The following TRPC4 variants were observed in gnomAD, a reference collection of about 807,000 sequenced individuals.
TRPC4 encodes the protein transient receptor potential cation channel subfamily C member 4.
In TRPC4, 49 loss-of-function variants were observed where a neutral mutation model predicts 99.4. That is an observed-to-expected ratio of 0.49 (90% CI 0.39 to 0.63). The LOEUF (loss-of-function observed/expected upper bound fraction) is 0.63, where lower values mean the gene tolerates loss of function less well. Ranked by LOEUF, TRPC4 falls within the 20% of genes least tolerant of loss-of-function variation. The pLI, the probability that TRPC4 is intolerant of heterozygous loss-of-function variation, is 0.00. For synonymous variants in TRPC4, 454 were observed against 425.9 expected, an observed-to-expected ratio of 1.07 and a Z score of -0.81; for missense variants, 898 against 1,152.9, an observed-to-expected ratio of 0.78 and a Z score of 3.20.
intron 5 of TRPC4, among the ~76,000 whole-genome samples, chr13:37,664,296 T>C (rs1006135392): frequency 2.0e-5 from 3 of 152,096 alleles, no homozygotes; most frequent in Admixed American, 6.6e-5. Flanking sequence ...GGTCAAGGCC[T>C]GGCGCGGTGG....
intron 1 of TRPC4, among the ~76,000 whole-genome samples, chr13:37,859,247 A>G (rs1959204003): frequency 6.6e-6 from 1 of 151,422 alleles, no homozygotes; most frequent in South Asian, 2.1e-4. Context: ...ACAGTTTACT[A>G]GAACATGACA....
intron 3 of TRPC4, among the ~76,000 whole-genome samples, chr13:37,734,132 G>A (rs376874522): frequency 6.6e-6 from 1 of 152,138 alleles, no homozygotes; most frequent in African/African-American, 2.4e-5. Flanking sequence ...TCTGCACAGA[G>A]TATTTCTTCC....
In TRPC4 at chr13:37,846,246, A is replaced by G. The variant is rs576021273; in HGVS notation, c.-28+23349T>C. ...AAAATAACATTTTAAAATTAAAAAT[A>G]AATCCCAATGGTAGAAGTAATATGT... On this transcript the variant is annotated intron_variant, in intron 1 of 10. Coordinates refer to ENST00000379705, the MANE Select transcript of TRPC4 (RefSeq NM_016179.4). Among the ~76,000 whole-genome samples, 5 of 152,284 alleles carry G rather than the reference A, an allele frequency of 3.3e-5. No individual in the cohort carries two copies. In the South Asian group the frequency reaches 1.0e-3, roughly 32 times the overall value.
intron 2 of TRPC4, among the ~76,000 whole-genome samples, chr13:37,755,014 T>C (rs192713113): frequency 6.6e-6 from 1 of 152,164 alleles, no homozygotes; most frequent in East Asian, 1.9e-4. Context: ...TTAAAAGTAA[T>C]GGCAAAAACC....
chr13:37,667,682 T>C (rs1328799501), intron 5 of TRPC4, among the ~76,000 whole-genome samples: 2 of 152,196 alleles, frequency 1.3e-5, no homozygotes. Context: ...CACAACATTG[T>C]CCTTGAGATG....
chr13:37,865,272 A>G (rs1297693952), intron 1 of TRPC4, among the ~76,000 whole-genome samples: 1 of 151,706 alleles, frequency 6.6e-6, no homozygotes, highest in African/African-American at 2.4e-5. Context: ...CATAACATTG[A>G]TAAGATGTAG....
At chr13:37,750,693 G>T (rs913325140) in intron 2 of TRPC4, among the ~76,000 whole-genome samples, 1 of 152,048 alleles carries the variant, frequency 6.6e-6, no homozygotes, top group African/African-American at 2.4e-5. Flanking sequence ...TACATGTGCA[G>T]AATGTGCAGG....
chr13:37,661,055 T>C (rs1298006822), intron 6 of TRPC4, among the ~76,000 whole-genome samples: 1 of 152,190 alleles, frequency 6.6e-6, no homozygotes, highest in Non-Finnish European at 1.5e-5. Flanking sequence ...TTATATTATT[T>C]AGAAAAAATA....
intron 1 of TRPC4, among the ~76,000 whole-genome samples, chr13:37,842,851 A>G (rs1048863468): frequency 6.6e-6 from 1 of 152,224 alleles, no homozygotes; most frequent in African/African-American, 2.4e-5. Context: ...AAGGATGAGA[A>G]ATGGAACGAA....
At chr13:37,714,731 C>T (rs1230162083) in intron 3 of TRPC4, among the ~76,000 whole-genome samples, 1 of 145,192 alleles carries the variant, frequency 6.9e-6, no homozygotes, top group Non-Finnish European at 1.5e-5. Context: ...TATTTGTAAT[C>T]CCTCACCGCT....
At chr13:37,866,986 G>T (rs1272912395) in intron 1 of TRPC4, among the ~76,000 whole-genome samples, 1 of 151,380 alleles carries the variant, frequency 6.6e-6, no homozygotes, top group Non-Finnish European at 1.5e-5. Context: ...AATAACACTG[G>T]TTCCAATTGA....
intron 8 of TRPC4, among the ~76,000 whole-genome samples, chr13:37,641,988 C>T (rs963399700): frequency 1.3e-5 from 2 of 152,044 alleles, no homozygotes. Context: ...ATTATGATTA[C>T]CTCTGAGAAA....
intron 1 of TRPC4, among the ~76,000 whole-genome samples, chr13:37,837,407 C>T (rs1958595824): frequency 6.6e-6 from 1 of 152,230 alleles, no homozygotes; most frequent in Non-Finnish European, 1.5e-5. Flanking sequence ...GGAAGCTGTG[C>T]CCTGCAAAGG....
intron 4 of TRPC4, among the ~76,000 whole-genome samples, chr13:37,676,810 A>G (rs989351390): frequency 3.3e-5 from 5 of 152,174 alleles, no homozygotes; most frequent in African/African-American, 1.2e-4. Flanking sequence ...TTCCTGTCAG[A>G]TCTACACTAA....
chr13:37,798,319 TCCAGCTG>T (rs1253836540), intron 1 of TRPC4, among the ~76,000 whole-genome samples: 1 of 152,170 alleles, frequency 6.6e-6, no homozygotes, highest in Non-Finnish European at 1.5e-5. Flanking sequence ...TTCTTGATGA[TCCAGCTG>T]CCTTCTTAAA....
At chr13:37,714,085 CTTTCT>C (rs1301982170) in intron 3 of TRPC4, among the ~76,000 whole-genome samples, 1 of 151,278 alleles carries the variant, frequency 6.6e-6, no homozygotes, top group Non-Finnish European at 1.5e-5. Context: ...CCCTTTCTCC[CTTTCT>C]TTTCTTTTCT....
chr13:37,757,983 T>C (rs575367198), intron 2 of TRPC4, among the ~76,000 whole-genome samples: 7 of 152,090 alleles, frequency 4.6e-5, no homozygotes, highest in African/African-American at 1.7e-4. Context: ...AGGTACAACA[T>C]AGATCTTCCT....
Position 37,726,199 on chromosome 13 carries a change from C to A in TRPC4, c.897+19738G>T, listed in dbSNP as rs867070029. On this transcript the variant is annotated intron_variant, in intron 3 of 10. Transcript: ENST00000379705. ...CGACAGAGTGAGACACCGTCCCCCC[C>A]CAAAAAAAAAAGTTAGTATTATTAT... 7.5e-3 allele frequency among the ~76,000 whole-genome samples: 1,112 copies of A among 148,396 alleles called. 20 individuals are homozygous for A. The highest frequency in any genetic ancestry group is 0.017 in the Admixed American group (255 of 14,898).
At position 37,665,878 on chromosome 13, in the gene TRPC4, G is replaced by C. The variant is rs564188920; in HGVS notation, c.1375-2149C>G. Reference sequence around the variant, plus strand: ...AAAAAAAAAAATACATAAGAGGAAGGTTTTCCATTTTTACAGATTCTGCCC... The same window carrying C: ...AAAAAAAAAAATACATAAGAGGAAGCTTTTCCATTTTTACAGATTCTGCCC... On this transcript the variant is annotated intron_variant, in intron 5 of 10. Transcript: ENST00000379705. Among the ~76,000 whole-genome samples, 299 of 150,226 alleles carry C rather than the reference G, an allele frequency of 2.0e-3. 4 individuals carry two copies. The highest frequency in any genetic ancestry group is 7.5e-4 in the Non-Finnish European group (51 of 67,640).
Sources: allele counts gnomAD v4.1 joint callset (sites outside exome capture counted in the v4.1 genomes callset), GRCh38; gene constraint gnomAD v4.1.1; transcripts MANE v1.5; gene names NCBI Gene and HGNC (gene_info 2026-07-23, HGNC 2026-07-21).